Variants in MTUS2 observed in about 807,000 individuals in gnomAD.
MTUS2 encodes microtubule-associated tumor suppressor candidate 2.
Under a neutral mutation model 114.1 loss-of-function variants are expected in MTUS2, and 40 were observed. The observed-to-expected ratio is 0.35, with a 90% CI of 0.27 to 0.46. The LOEUF (loss-of-function observed/expected upper bound fraction) is 0.46, where lower values mean the gene tolerates loss of function less well. MTUS2 is among the 20% of genes least tolerant of loss of function. MTUS2 has a pLI of 1.00. For missense variants in MTUS2, 1,679 were observed against 1,705.4 expected (o/e 0.98, Z 0.27); for synonymous variants, 688 against 672.0 (o/e 1.02, Z -0.37).
chr13:29,457,976 T>G (rs1879238063), intron 9 of MTUS2, among the ~76,000 whole-genome samples: 1 of 152,160 alleles, frequency 6.6e-6, no homozygotes, highest in African/African-American at 2.4e-5. Context: ...ATGGTCTTGA[T>G]CTCCTGACCT....
At chr13:29,383,129 G>T (rs1593377146) in intron 8 of MTUS2, among the ~76,000 whole-genome samples, 1 of 151,674 alleles carries the variant, frequency 6.6e-6, no homozygotes, top group African/African-American at 2.4e-5. Context: ...TTGTATTTTT[G>T]GCTGTTTCCT....
chr13:29,174,523 T>C (rs1893691113), intron 5 of MTUS2, among the ~76,000 whole-genome samples: 1 of 152,208 alleles, frequency 6.6e-6, no homozygotes, highest in Non-Finnish European at 1.5e-5. Flanking sequence ...GGGTCTGGTT[T>C]GGACTGTGAG....
chr13:29,382,771 T>C (rs539564872), intron 8 of MTUS2, among the ~76,000 whole-genome samples: 12 of 152,298 alleles, frequency 7.9e-5, no homozygotes, highest in South Asian at 2.1e-4. Context: ...CTTTACGGAA[T>C]TGGCCTCGTT....
intron 2 of MTUS2, among the ~76,000 whole-genome samples, chr13:28,893,710 T>TGAGATACCC (rs768269397): frequency 1.3e-5 from 2 of 152,180 alleles, no homozygotes; most frequent in Non-Finnish European, 2.9e-5. Context: ...GAAGCAACAT[T>TGAGATACCC]GAGATACCCT....
intron 5 of MTUS2, among the ~76,000 whole-genome samples, chr13:29,171,393 A>T (rs988945704): frequency 1.3e-5 from 2 of 152,202 alleles, no homozygotes; most frequent in African/African-American, 4.8e-5. Flanking sequence ...CAGAAAGCAC[A>T]GGTGATCAGG....
At chr13:28,822,486 G>A (rs1566157289) in intron 1 of MTUS2, among the ~76,000 whole-genome samples, 1 of 152,186 alleles carries the variant, frequency 6.6e-6, no homozygotes, top group South Asian at 2.1e-4. Flanking sequence ...ATAGAAGACT[G>A]TTATGCTTAG....
At chr13:29,240,614 T>C (rs1481487372) in intron 5 of MTUS2, among the ~76,000 whole-genome samples, 1 of 152,258 alleles carries the variant, frequency 6.6e-6, no homozygotes, top group African/African-American at 2.4e-5. Context: ...TATTATTTTT[T>C]CTTTAATTGG....
Position 29,130,837 on chromosome 13 carries a change from G to C in MTUS2, c.2644+29867G>C, listed in dbSNP as rs1298523867. 3.3e-5 allele frequency among the ~76,000 whole-genome samples: 5 copies of C among 152,198 alleles called. No homozygotes were observed. The East Asian group carries it at 9.7e-4, about 29-fold the overall frequency. On this transcript the variant is annotated intron_variant, in intron 5 of 15. Transcript: ENST00000612955. ...GACGGGGTTTCAGCATGTTGGCCAG[G>C]ATGGTCTCAATCTTTTGACCGCGTG... is the stretch of plus-strand genomic sequence containing the variant.
At chr13:29,470,148 C>T (rs1880171406) in intron 9 of MTUS2, among the ~76,000 whole-genome samples, 2 of 152,146 alleles carry the variant, frequency 1.3e-5, no homozygotes, top group African/African-American at 4.8e-5. Context: ...TATTAACCTA[C>T]CCCACCGCAC....
chr13:29,422,712 G>GAAGTGT (rs1363634551), intron 8 of MTUS2, among the ~76,000 whole-genome samples: 3 of 127,242 alleles, frequency 2.4e-5, no homozygotes, highest in Non-Finnish European at 4.7e-5. Flanking sequence ...TGCCTGGGCT[G>GAAGTGT]AAGTGTAGTG....
intron 5 of MTUS2, among the ~76,000 whole-genome samples, chr13:29,234,140 A>G (rs1319128183): frequency 6.6e-6 from 1 of 152,172 alleles, no homozygotes; most frequent in Non-Finnish European, 1.5e-5. Flanking sequence ...ATATGGTTTT[A>G]TAATATAAAA....
intron 5 of MTUS2, among the ~76,000 whole-genome samples, chr13:29,170,965 C>T (rs1222240514): frequency 6.6e-6 from 1 of 152,186 alleles, no homozygotes; most frequent in Non-Finnish European, 1.5e-5. Context: ...TGAATCCTTG[C>T]ATCAGGAAAT....
chr13:29,094,868 G>C (rs1331224823), intron 4 of MTUS2, among the ~76,000 whole-genome samples: 1 of 151,580 alleles, frequency 6.6e-6, no homozygotes, highest in Admixed American at 6.6e-5. Flanking sequence ...CGTAAGCTTT[G>C]GTATGTCATT....
At position 29,359,404 on chromosome 13, in the gene MTUS2, A is replaced by T; in HGVS notation, c.3048A>T (p.Gln1016His). ...AGACCAGACAGCTGGGCGTTGCGCA[A>T]GGGGAGCTGAAGAGGGCCATCTGCG... ...EQQTRQLGVA[Q>H]GELKRAICGF... is the part of the protein sequence containing the mutation. Residue 1016 changes from glutamine (Q) to histidine (H), a missense_variant, in exon 8 of 16, where the codon CAA becomes CAT. By Grantham distance (24) the Gln-to-His change is conservative. Coordinates refer to ENST00000612955, the MANE Select transcript of MTUS2 (RefSeq NM_001033602.4). The T allele has an allele frequency of 1.9e-6, 3 of 1,613,692 alleles. No homozygotes were observed. Among genetic ancestry groups the T allele is most frequent in the Non-Finnish European group, 2.5e-6 (3 of 1,179,786 alleles).
chr13:29,296,089 C>T (rs1371582616), intron 6 of MTUS2, among the ~76,000 whole-genome samples: 1 of 152,176 alleles, frequency 6.6e-6, no homozygotes, highest in African/African-American at 2.4e-5. Context: ...GGTACTGCTG[C>T]CATAAATTTG....
At chr13:28,827,205 C>A (rs1384946112) in intron 1 of MTUS2, among the ~76,000 whole-genome samples, 1 of 152,186 alleles carries the variant, frequency 6.6e-6, no homozygotes, top group Non-Finnish European at 1.5e-5. Context: ...AAGCCTGATG[C>A]ATTTTCCATT....
At chr13:29,159,289 T>C (rs946622614) in intron 5 of MTUS2, among the ~76,000 whole-genome samples, 1 of 152,216 alleles carries the variant, frequency 6.6e-6, no homozygotes, top group Admixed American at 6.5e-5. Flanking sequence ...AGTTTTGGAC[T>C]TATTTTAATA....
chr13:29,227,358 C>A (rs1896151010), intron 5 of MTUS2, among the ~76,000 whole-genome samples: 1 of 152,000 alleles, frequency 6.6e-6, no homozygotes, highest in African/African-American at 2.4e-5. Context: ...GTTTGCCCCT[C>A]TTTGGGAGTT....
chr13:29,125,153 TAATA>T (rs1238151000), intron 5 of MTUS2, among the ~76,000 whole-genome samples: 1 of 152,246 alleles, frequency 6.6e-6, no homozygotes, highest in Non-Finnish European at 1.5e-5. Flanking sequence ...ATTTAGTTGT[TAATA>T]AAGAAATAGA....
Sources: gnomAD v4.1 joint callset for allele counts (sites outside exome capture counted in the v4.1 genomes callset) on GRCh38, gnomAD v4.1.1 for gene constraint, MANE v1.5 for transcripts, NCBI Gene and HGNC (gene_info 2026-07-23, HGNC 2026-07-21) for gene names.